VWC2: variants seen among roughly 807,000 people sequenced by gnomAD.
The protein encoded by VWC2 is von Willebrand factor C domain containing 2.
A neutral mutation model predicts 29.8 loss-of-function variants in VWC2; 14 were observed. The observed-to-expected ratio is 0.47, with a 90% CI of 0.31 to 0.74. The LOEUF (loss-of-function observed/expected upper bound fraction) is 0.74, where lower values mean the gene tolerates loss of function less well. Among genes scored for constraint, VWC2 ranks in the 30% least tolerant of loss-of-function variants. The pLI, the probability that VWC2 is intolerant of heterozygous loss-of-function variation, is 0.05. For synonymous variants in VWC2, 213 were observed against 199.0 expected (o/e 1.07, Z -0.59); for missense variants, 457 against 459.8 (o/e 0.99, Z 0.05).
At chr7:49,847,424 G>C (rs544397106) in intron 3 of VWC2, among the ~76,000 whole-genome samples, 254 of 152,176 alleles carry the variant, frequency 1.7e-3, no homozygotes, top group Non-Finnish European at 2.8e-3. Context: ...CTTGAGCACA[G>C]AGCCTTGCAG....
intron 3 of VWC2, among the ~76,000 whole-genome samples, chr7:49,837,797 A>G (rs1202347733): frequency 1.3e-5 from 2 of 152,314 alleles, no homozygotes; most frequent in East Asian, 3.8e-4. Context: ...TCGATCGCAC[A>G]ATCCATGATG....
intron 3 of VWC2, among the ~76,000 whole-genome samples, chr7:49,844,516 T>A (rs1789873489): frequency 6.6e-6 from 1 of 152,150 alleles, no homozygotes; most frequent in Non-Finnish European, 1.5e-5. Flanking sequence ...TATCCATTGC[T>A]GAATATAAAT....
At chr7:49,839,404 G>A (rs1010230999) in intron 3 of VWC2, among the ~76,000 whole-genome samples, 19 of 152,262 alleles carry the variant, frequency 1.2e-4, no homozygotes, top group African/African-American at 4.1e-4. Context: ...ATGCTCTAAT[G>A]CCATCAAATT....
intron 3 of VWC2, among the ~76,000 whole-genome samples, chr7:49,824,892 C>T (rs1327667441): frequency 1.3e-5 from 2 of 151,972 alleles, no homozygotes; most frequent in East Asian, 3.8e-4. Flanking sequence ...TTGCAAAATT[C>T]TCCAAACCTG....
At chr7:49,884,712 G>T (rs189144013) in intron 3 of VWC2, among the ~76,000 whole-genome samples, 1 of 152,222 alleles carries the variant, frequency 6.6e-6, no homozygotes, top group African/African-American at 2.4e-5. Context: ...GAGATTTACA[G>T]CCCAAACTCA....
chr7:49,817,530 G>A (rs1789174821), intron 3 of VWC2, among the ~76,000 whole-genome samples: 1 of 152,216 alleles, frequency 6.6e-6, no homozygotes, highest in Non-Finnish European at 1.5e-5. Flanking sequence ...AGGATTTTCA[G>A]TGGGTGCTTC....
At chr7:49,798,665 C>T (rs1788658016) in intron 2 of VWC2, among the ~76,000 whole-genome samples, 1 of 152,032 alleles carries the variant, frequency 6.6e-6, no homozygotes, top group South Asian at 2.1e-4. Context: ...CTGAATCCAG[C>T]TGGGTCTCTG....
At chr7:49,892,274 C>G (rs796552126) in intron 3 of VWC2, among the ~76,000 whole-genome samples, 7 of 152,000 alleles carry the variant, frequency 4.6e-5, no homozygotes, top group African/African-American at 1.7e-4. Flanking sequence ...TCTCGATCTC[C>G]TGACCTCGTG....
intron 3 of VWC2, among the ~76,000 whole-genome samples, chr7:49,832,110 G>A (rs1265854743): frequency 6.6e-6 from 1 of 152,156 alleles, no homozygotes; most frequent in African/African-American, 2.4e-5. Flanking sequence ...TTATTTATGA[G>A]GCAGAAAAAT....
chr7:49,838,514 G>A (rs1789717250), intron 3 of VWC2, among the ~76,000 whole-genome samples: 1 of 151,910 alleles, frequency 6.6e-6, no homozygotes, highest in Admixed American at 6.6e-5. Flanking sequence ...GCCGTGCTGA[G>A]GATGTGAGTG....
intron 3 of VWC2, among the ~76,000 whole-genome samples, chr7:49,890,554 G>A (rs538318020): frequency 9.2e-5 from 14 of 152,234 alleles, no homozygotes; most frequent in Admixed American, 7.9e-4. Flanking sequence ...ATTTTATAGG[G>A]ATACTTAGGA....
At chr7:49,787,587 C>T (rs1238740198) in intron 2 of VWC2, among the ~76,000 whole-genome samples, 1 of 152,214 alleles carries the variant, frequency 6.6e-6, no homozygotes. Flanking sequence ...TGGCCAGATG[C>T]TCACCTTTCT....
At chr7:49,890,166 C>G (rs1317950249) in intron 3 of VWC2, among the ~76,000 whole-genome samples, 2 of 152,174 alleles carry the variant, frequency 1.3e-5, no homozygotes, top group East Asian at 1.9e-4. Context: ...GCTCTGTGGT[C>G]TTAACAATGA....
chr7:49,901,348 C>T (rs962394397), intron 3 of VWC2: 1 of 151,690 alleles, frequency 6.6e-6, no homozygotes, highest in African/African-American at 2.4e-5. Context: ...ACTTCAGGAA[C>T]TAATAAGCAA....
rs894345813 is a variant in VWC2 at position 49,914,226 on chromosome 7, C to T, written c.*2041C>T. 3.3e-5 allele frequency: 5 copies of T among 152,240 alleles called. No homozygotes were observed. Among genetic ancestry groups the T allele is most frequent in the Non-Finnish European group, 7.3e-5 (5 of 68,040 alleles). 9.4% of individuals were successfully genotyped at this position (152,240 alleles called of 1,614,324 possible). On this transcript the variant is annotated 3_prime_UTR_variant, in exon 4 of 4. Coordinates refer to ENST00000340652, the MANE Select transcript of VWC2 (RefSeq NM_198570.5). Reference sequence around the variant, plus strand: ...GCATGATGCAGTTAGAGACTCAGTCCATGCAGCTCAAAGTCTTCCTGTTTC... The same window carrying T: ...GCATGATGCAGTTAGAGACTCAGTCTATGCAGCTCAAAGTCTTCCTGTTTC...
At chr7:49,777,546 G>A (rs1490500036) in intron 2 of VWC2, among the ~76,000 whole-genome samples, 1 of 152,168 alleles carries the variant, frequency 6.6e-6, no homozygotes, top group Non-Finnish European at 1.5e-5. Flanking sequence ...TAAGGGGCCA[G>A]CTTTCCCTAG....
chr7:49,874,494 A>G (rs1036172493), intron 3 of VWC2, among the ~76,000 whole-genome samples: 4 of 151,978 alleles, frequency 2.6e-5, no homozygotes, highest in Non-Finnish European at 4.4e-5. Context: ...CAAGATCACA[A>G]AACATCACAT....
rs1052888814 is a variant in VWC2 at position 49,773,736 on chromosome 7, G to T, written c.-481G>T. On this transcript the variant is annotated 5_prime_UTR_variant, in exon 1 of 4. Coordinates refer to ENST00000340652, the MANE Select transcript of VWC2 (RefSeq NM_198570.5). Reference sequence around the variant, plus strand: ...GCGCCACGGCTGCCCAGACATTCCGGCTGCCGGGTCTGGAGAGCTCCCCGA... The same window carrying T: ...GCGCCACGGCTGCCCAGACATTCCGTCTGCCGGGTCTGGAGAGCTCCCCGA... The T allele has an allele frequency of 1.3e-5, 2 of 152,150 alleles. No individual in the cohort carries two copies. The highest frequency in any genetic ancestry group is 4.8e-5 in the African/African-American group (2 of 41,386). The allele number at this position is 152,150 out of a possible 1,614,324, so 9.4% of individuals were successfully genotyped here. A position where few individuals can be genotyped will look rare whatever the true frequency, so the allele number is the denominator to read the frequency against.
intron 3 of VWC2, among the ~76,000 whole-genome samples, chr7:49,903,512 C>A (rs565374405): frequency 6.6e-6 from 1 of 152,228 alleles, no homozygotes; most frequent in South Asian, 2.1e-4. Context: ...CTATATGATT[C>A]CACTTACGTA....
Sources: allele counts gnomAD v4.1 joint callset (sites outside exome capture counted in the v4.1 genomes callset), GRCh38; gene constraint gnomAD v4.1.1; transcripts MANE v1.5; gene names NCBI Gene and HGNC (gene_info 2026-07-23, HGNC 2026-07-21).